The following CDH12 variants were observed in gnomAD, a reference collection of about 807,000 sequenced individuals.
CDH12 encodes cadherin-12.
CDH12 carries 41 observed loss-of-function variants against 74.1 expected under a neutral mutation model. The ratio of observed to expected loss-of-function variants is 0.55; its 90% CI spans 0.43 to 0.72. The LOEUF (loss-of-function observed/expected upper bound fraction) is 0.72, where lower values mean the gene tolerates loss of function less well. Among genes scored for constraint, CDH12 ranks in the 30% least tolerant of loss-of-function variants. CDH12 has a pLI of 0.00. For synonymous variants in CDH12, 399 were observed against 355.0 expected (o/e 1.12, Z -1.39); for missense variants, 945 against 977.2 (o/e 0.97, Z 0.44).
intron 1 of CDH12, among the ~76,000 whole-genome samples, chr5:22,567,292 A>C (rs531844806): frequency 6.6e-6 from 1 of 152,328 alleles, no homozygotes; most frequent in East Asian, 1.9e-4. Context: ...CACTTAATGC[A>C]AGTAACAATT....
chr5:22,367,805 A>C (rs2126329456), intron 3 of CDH12, among the ~76,000 whole-genome samples: 1 of 152,326 alleles, frequency 6.6e-6, no homozygotes, highest in South Asian at 2.1e-4. Context: ...TATTATGACC[A>C]AAAAATTCAT....
At chr5:22,370,781 C>T (rs773932395) in intron 3 of CDH12, among the ~76,000 whole-genome samples, 7 of 152,006 alleles carry the variant, frequency 4.6e-5, no homozygotes, top group Non-Finnish European at 8.8e-5. Flanking sequence ...GTAGGTCATA[C>T]GTATGGGAAT....
chr5:22,262,559 A>G (rs1262280236), intron 3 of CDH12, among the ~76,000 whole-genome samples: 1 of 151,292 alleles, frequency 6.6e-6, no homozygotes, highest in Admixed American at 6.6e-5. Flanking sequence ...TATTGTGAAT[A>G]GTGCCGCAAT....
At position 21,817,007 on chromosome 5, in the gene CDH12, C is replaced by T. The variant is rs1748094643; in HGVS notation, c.940G>A (p.Gly314Arg). Reference protein sequence around the residue: ...IEYNIVPGDGGNLFDIVTDED... With the variant: ...IEYNIVPGDGRNLFDIVTDED... ...TCTGTGACGATGTCAAACAAATTTC[C>T]CCCATCTCCTGGAACAATATTGTAT... The change falls in exon 9 of 15, where the codon GGA (glycine) becomes AGA (arginine). Residue 314 changes from glycine to arginine, a missense_variant. Gly to Arg is a moderately radical substitution (Grantham distance 125). Coordinates refer to ENST00000382254, the MANE Select transcript of CDH12 (RefSeq NM_004061.5). The T allele has an allele frequency of 1.9e-6, 3 of 1,612,360 alleles. No individual in the cohort carries two copies. The highest frequency in any genetic ancestry group is 1.3e-5 in the African/African-American group (1 of 74,756).
At chr5:22,059,354 T>C (rs1741014698) in intron 5 of CDH12, among the ~76,000 whole-genome samples, 1 of 110,378 alleles carries the variant, frequency 9.1e-6, no homozygotes, top group African/African-American at 5.7e-5. Flanking sequence ...TATCTATCTA[T>C]CTATCTATCT....
chr5:22,288,950 G>A (rs1021109274), intron 3 of CDH12, among the ~76,000 whole-genome samples: 19 of 152,108 alleles, frequency 1.2e-4, no homozygotes, highest in East Asian at 3.9e-4. Context: ...AGGCTAAGGC[G>A]AAAGGATTGC....
intron 5 of CDH12, among the ~76,000 whole-genome samples, chr5:22,026,648 T>C (rs1372220136): frequency 6.6e-6 from 1 of 152,008 alleles, no homozygotes; most frequent in African/African-American, 2.4e-5. Flanking sequence ...GGGGTAGGGG[T>C]AGGGTTAACA....
intron 4 of CDH12, among the ~76,000 whole-genome samples, chr5:22,158,481 C>T (rs7709046): frequency 0.07 from 10,639 of 151,998 alleles, 474 homozygotes; most frequent in South Asian, 0.15. Context: ...TCCATTTTAT[C>T]AAAGGATCCA....
chr5:22,379,989 T>C lies in CDH12; in HGVS notation c.-333+25268A>G, dbSNP rs151144880. 9.7e-3 allele frequency among the ~76,000 whole-genome samples: 1,472 copies of C among 152,148 alleles called. 8 individuals carry two copies. Among genetic ancestry groups the C allele is most frequent in the Non-Finnish European group, 0.014 (932 of 67,988 alleles). The stretch of plus-strand genomic sequence containing the variant: ...ACCTAGGCTGGTTTCAAACCCCTGG[T>C]TTCAAGCAATCCTCCTGCCTTGGCC... On this transcript the variant is annotated intron_variant, in intron 3 of 14. Transcript: ENST00000382254.
chr5:22,075,983 T>C (rs1282178108), intron 5 of CDH12, among the ~76,000 whole-genome samples: 2 of 152,112 alleles, frequency 1.3e-5, no homozygotes, highest in Non-Finnish European at 2.9e-5. Flanking sequence ...TTGGTCCCCA[T>C]GTTATCATAT....
intron 5 of CDH12, among the ~76,000 whole-genome samples, chr5:22,006,298 C>T (rs1332178142): frequency 3.3e-5 from 5 of 152,154 alleles, no homozygotes; most frequent in Middle Eastern, 6.8e-3. Context: ...GGATTACAGG[C>T]ATGAGACACT....
intron 6 of CDH12, among the ~76,000 whole-genome samples, chr5:21,971,605 G>A (rs1369680855): frequency 6.6e-6 from 1 of 152,022 alleles, no homozygotes; most frequent in African/African-American, 2.4e-5. Context: ...AGTTGAGTAT[G>A]GATTTAACAC....
intron 7 of CDH12, among the ~76,000 whole-genome samples, chr5:21,854,463 A>T (rs1199795395): frequency 6.6e-6 from 1 of 151,722 alleles, no homozygotes; most frequent in Non-Finnish European, 1.5e-5. Context: ...CTTTAGAAAG[A>T]TATGTTAAAA....
At chr5:22,769,053 A>G (rs1396708703) in intron 1 of CDH12, among the ~76,000 whole-genome samples, 4 of 152,172 alleles carry the variant, frequency 2.6e-5, no homozygotes, top group Non-Finnish European at 5.9e-5. Flanking sequence ...AACATGCACA[A>G]CTTAAAGCTT....
chr5:22,345,036 A>G (rs1463901439), intron 3 of CDH12, among the ~76,000 whole-genome samples: 1 of 152,194 alleles, frequency 6.6e-6, no homozygotes, highest in Non-Finnish European at 1.5e-5. Flanking sequence ...GTTCTGACGA[A>G]CTTTGATTTT....
chr5:22,765,793 G>T (rs1746479034), intron 1 of CDH12, among the ~76,000 whole-genome samples: 1 of 151,766 alleles, frequency 6.6e-6, no homozygotes, highest in African/African-American at 2.4e-5. Context: ...TTGCTTTTAT[G>T]TTCTCAGAGT....
intron 12 of CDH12, among the ~76,000 whole-genome samples, chr5:21,761,745 AGAT>A (rs1744735059): frequency 6.9e-6 from 1 of 145,520 alleles, no homozygotes; most frequent in East Asian, 2.0e-4. Context: ...GGATAGATAT[AGAT>A]AGATAGATAG....
At chr5:21,766,548 T>C (rs571980487) in intron 11 of CDH12, among the ~76,000 whole-genome samples, 3 of 152,066 alleles carry the variant, frequency 2.0e-5, no homozygotes, top group Admixed American at 6.5e-5. Flanking sequence ...CATAGTGCTG[T>C]TGCATTAAAT....
At chr5:22,567,630 T>A (rs1176354516) in intron 1 of CDH12, among the ~76,000 whole-genome samples, 2 of 146,264 alleles carry the variant, frequency 1.4e-5, no homozygotes, top group Admixed American at 1.5e-4. Context: ...TCTTTTGTTA[T>A]AATAATCAGG....
Sources: gnomAD v4.1 joint callset for allele counts (sites outside exome capture counted in the v4.1 genomes callset) on GRCh38, gnomAD v4.1.1 for gene constraint, MANE v1.5 for transcripts, NCBI Gene and HGNC (gene_info 2026-07-23, HGNC 2026-07-21) for gene names.